The following ADAMTSL3 variants were observed in gnomAD, a reference collection of about 807,000 sequenced individuals.
ADAMTSL3 encodes the protein ADAMTS-like protein 3.
Under a neutral mutation model 201.7 loss-of-function variants are expected in ADAMTSL3, and 128 were observed. The ratio of observed to expected loss-of-function variants is 0.63; its 90% confidence interval spans 0.55 to 0.73. The LOEUF (loss-of-function observed/expected upper bound fraction) is 0.73, where lower values mean the gene tolerates loss of function less well. ADAMTSL3 is among the 30% of genes least tolerant of loss of function. The pLI is 0.00. For missense variants in ADAMTSL3, 1,990 were observed against 2,119.6 expected (o/e 0.94, Z 1.20); for synonymous variants, 738 against 748.4 (o/e 0.99, Z 0.23).
At position 84,025,664 on chromosome 15, in the gene ADAMTSL3, G is replaced by A. The variant is rs140597078; in HGVS notation, c.4656+228G>A. The A allele has an allele frequency of 4.2e-3, 1,849 of 443,718 alleles. 7 individuals are homozygous for A. The highest frequency in any genetic ancestry group is 6.1e-3 in the Non-Finnish European group (1,509 of 247,180). The allele number at this position is 443,718 out of a possible 1,614,324, so 27.5% of individuals were successfully genotyped here. On this transcript the variant is annotated intron_variant, in intron 27 of 29. Coordinates refer to ENST00000286744, the MANE Select transcript of ADAMTSL3 (RefSeq NM_207517.3). ...GTTTGGGTTCTTTGAATGCAGTGAT[G>A]CCATAACAGAAGCTCCAAGTTAGAC...
intron 4 of ADAMTSL3, among the ~76,000 whole-genome samples, chr15:83,785,170 G>C (rs1311701418): frequency 3.3e-5 from 5 of 152,168 alleles, no homozygotes; most frequent in African/African-American, 1.2e-4. Flanking sequence ...CTTTGATTCA[G>C]TAGATCTGGA....
At chr15:83,889,651 A>C (rs1342874265) in intron 10 of ADAMTSL3, among the ~76,000 whole-genome samples, 5 of 152,106 alleles carry the variant, frequency 3.3e-5, no homozygotes, top group Non-Finnish European at 7.4e-5. Context: ...GAAATGAGAG[A>C]AGGGCCTTGC....
At chr15:83,785,630 CT>C (rs1200842398) in intron 4 of ADAMTSL3, among the ~76,000 whole-genome samples, 2 of 152,078 alleles carry the variant, frequency 1.3e-5, no homozygotes, top group African/African-American at 4.8e-5. Flanking sequence ...TGGTGACCAA[CT>C]TTTTGGTACA....
intron 3 of ADAMTSL3, chr15:83,739,748 C>T (rs1567111467): frequency 2.2e-6 from 1 of 454,998 alleles, no homozygotes; most frequent in Non-Finnish European, 4.4e-6. Flanking sequence ...AGCCCTTCAC[C>T]TCCTCCAGTG....
intron 2 of ADAMTSL3, among the ~76,000 whole-genome samples, chr15:83,691,274 A>T (rs1288578045): frequency 6.6e-6 from 1 of 152,216 alleles, no homozygotes; most frequent in African/African-American, 2.4e-5. Flanking sequence ...AGACAAAATT[A>T]CTGCACCTTC....
At chr15:83,855,768 T>C (rs2064718305) in intron 7 of ADAMTSL3, among the ~76,000 whole-genome samples, 1 of 152,232 alleles carries the variant, frequency 6.6e-6, no homozygotes, top group African/African-American at 2.4e-5. Flanking sequence ...GTTCTGACCA[T>C]GTTTTTACTG....
intron 23 of ADAMTSL3, 21 bp downstream of exon 23, chr15:83,991,235 G>A (rs909836853): frequency 2.5e-6 from 4 of 1,613,790 alleles, no homozygotes; most frequent in Non-Finnish European, 3.4e-6. Context: ...TCATTTCAGT[G>A]GGAGGCCATT....
At chr15:83,674,318 A>C (rs145797727) in intron 2 of ADAMTSL3, among the ~76,000 whole-genome samples, 2 of 152,198 alleles carry the variant, frequency 1.3e-5, no homozygotes, top group Admixed American at 6.5e-5. Context: ...GGTTAAGGTC[A>C]AGACTCACTT....
intron 25 of ADAMTSL3, 86 bp from the exon 26 acceptor site, chr15:84,021,324 C>T (rs2068201347): frequency 1.4e-6 from 2 of 1,468,764 alleles, no homozygotes; most frequent in African/African-American, 1.4e-5. Context: ...CAAAAAACAT[C>T]TCATGGTGGT....
Position 83,838,154 on chromosome 15 carries a change from C to T in ADAMTSL3, c.666C>T (p.Gly222=), listed in dbSNP as rs780703410. 4.2e-5 allele frequency: 67 copies of T among 1,612,932 alleles called. No homozygotes were observed. The highest frequency in any genetic ancestry group is 2.7e-4 in the Admixed American group (16 of 59,830). The change falls in exon 7 of 30, where the codon GGC becomes GGT. Residue 222 remains glycine, a synonymous_variant. Transcript: ENST00000286744. The part of the protein sequence containing the change: ...AKEDNCGVCA[G]DGSTCRLVRG... ...AGGACAACTGTGGAGTCTGTGCCGG[C>T]GATGGCTCCACCTGCAGGCTTGTAC...
intron 3 of ADAMTSL3, among the ~76,000 whole-genome samples, chr15:83,722,345 C>G (rs539531729): frequency 1.5e-4 from 23 of 152,202 alleles, no homozygotes; most frequent in Admixed American, 1.4e-3. Context: ...GAAATTCAGT[C>G]AGTGCTATAA....
chr15:83,844,742 G>A (rs10444972), intron 7 of ADAMTSL3, among the ~76,000 whole-genome samples: 15,565 of 152,120 alleles, frequency 0.1, 1,013 homozygotes, highest in East Asian at 0.33. Context: ...GCATGGTTTT[G>A]TTTGTCTTCT....
chr15:83,833,894 G>T (rs538029065), intron 6 of ADAMTSL3, among the ~76,000 whole-genome samples: 1 of 152,124 alleles, frequency 6.6e-6, no homozygotes, highest in Non-Finnish European at 1.5e-5. Context: ...GTTTTGTTTT[G>T]TTTTTGTTTT....
At chr15:83,992,285 C>T (rs2067595072) in intron 23 of ADAMTSL3, among the ~76,000 whole-genome samples, 1 of 152,182 alleles carries the variant, frequency 6.6e-6, no homozygotes, top group East Asian at 1.9e-4. Flanking sequence ...TCCAAAGCTG[C>T]ACCTTTGGCT....
At chr15:83,861,206 C>T (rs2064850094) in intron 8 of ADAMTSL3, among the ~76,000 whole-genome samples, 1 of 152,230 alleles carries the variant, frequency 6.6e-6, no homozygotes, top group Non-Finnish European at 1.5e-5. Flanking sequence ...GACTCCACTT[C>T]TGGGGGCAGG....
chr15:83,840,924 A>T (rs928064718), intron 7 of ADAMTSL3, among the ~76,000 whole-genome samples: 2 of 152,224 alleles, frequency 1.3e-5, no homozygotes, highest in African/African-American at 4.8e-5. Flanking sequence ...TCTTCTTCAC[A>T]TCCTTAGAGG....
rs184509399 is a variant in ADAMTSL3 at position 83,677,784 on chromosome 15, T to C, written c.69+21954T>C. Among the ~76,000 whole-genome samples, 5 of 152,284 alleles carry C rather than the reference T, an allele frequency of 3.3e-5. No homozygotes were observed. In the South Asian group the frequency reaches 8.3e-4, roughly 25 times the overall value. ...TGACTATTTACATGAAAAGTAATTA[T>C]ACTAAATAATACTTCAGTTTTCCAG... On this transcript the variant is annotated intron_variant, in intron 2 of 29. Transcript: ENST00000286744.
At chr15:83,778,103 G>C (rs1460557513) in intron 4 of ADAMTSL3, among the ~76,000 whole-genome samples, 1 of 152,162 alleles carries the variant, frequency 6.6e-6, no homozygotes, top group Non-Finnish European at 1.5e-5. Flanking sequence ...CAAAACCTTT[G>C]AGAAATATGA....
At chr15:83,808,656 A>G (rs1238907778) in intron 5 of ADAMTSL3, among the ~76,000 whole-genome samples, 3 of 152,220 alleles carry the variant, frequency 2.0e-5, no homozygotes, top group Non-Finnish European at 4.4e-5. Flanking sequence ...AAATCAGTAT[A>G]TCACAGAGAC....
Sources: allele counts gnomAD v4.1 joint callset (sites outside exome capture counted in the v4.1 genomes callset), GRCh38; gene constraint gnomAD v4.1.1; transcripts MANE v1.5; gene names NCBI Gene and HGNC (gene_info 2026-07-23, HGNC 2026-07-21).